The following MOK variants were observed in gnomAD, a reference collection of about 807,000 sequenced individuals.
MOK encodes the protein MAPK/MAK/MRK overlapping kinase.
Under a neutral mutation model 54.2 loss-of-function variants are expected in MOK, and 59 were observed. The ratio of observed to expected loss-of-function variants is 1.09; its 90% CI spans 0.88 to 1.35. The LOEUF (loss-of-function observed/expected upper bound fraction) is 1.35, where lower values mean the gene tolerates loss of function less well. Among genes scored for constraint, MOK ranks in the 40% most tolerant of loss-of-function variants. The pLI is 0.00. For missense variants in MOK, 517 were observed against 526.2 expected (o/e 0.98, Z 0.17); for synonymous variants, 210 against 202.7 (o/e 1.04, Z -0.31).
chr14:102,273,996 C>T (rs1036809364), intron 2 of MOK, among the ~76,000 whole-genome samples: 5 of 151,690 alleles, frequency 3.3e-5, no homozygotes, highest in African/African-American at 7.3e-5. Flanking sequence ...CTCACTCTGT[C>T]GCCCAGGCTG....
chr14:102,226,516 G>A (rs1183868287), downstream of MOK: 24 of 692,820 alleles, frequency 3.5e-5, no homozygotes, highest in Admixed American at 6.1e-5. The surrounding 1 kb of genome is among the most constrained non-coding windows in gnomAD (Gnocchi z 4.8). Context: ...AGGCCCCGCC[G>A]GGGCCCCGGC....
rs572055280 is a variant in MOK, at chr14:102,236,249, T to A, written c.591-2460A>T. ...ACCGGGCCCAGGGCCCCCGGCCCCATCTGCCATCACTGCATTGGAGCCCAG... is the reference window on the plus strand; with the variant it reads ...ACCGGGCCCAGGGCCCCCGGCCCCAACTGCCATCACTGCATTGGAGCCCAG... On this transcript the variant is annotated intron_variant, in intron 7 of 11. Transcript: ENST00000361847. The surrounding 1 kb of genome is among the most constrained non-coding windows in gnomAD (Gnocchi z 4.5). Among the ~76,000 whole-genome samples the A allele has an allele frequency of 6.6e-6, 1 of 152,356 alleles. No homozygotes were observed. Among genetic ancestry groups the A allele is most frequent in the East Asian group, 1.9e-4 (1 of 5,176 alleles).
chr14:102,224,735 C>T (rs2064171480), downstream of MOK: 4 of 456,050 alleles, frequency 8.8e-6, no homozygotes, highest in Non-Finnish European at 1.8e-5. Context: ...CAGCCTGCCC[C>T]ACTCGAAGGC....
chr14:102,297,726 C>T (rs930092063), intron 1 of MOK, among the ~76,000 whole-genome samples: 1 of 152,092 alleles, frequency 6.6e-6, no homozygotes, highest in Non-Finnish European at 1.5e-5. Context: ...GTGGTGCTTG[C>T]GGGCCAGCAT....
At chr14:102,224,506 G>A (rs1310382316), downstream of MOK, 10 of 446,164 alleles carry the variant, frequency 2.2e-5, no homozygotes, top group African/African-American at 8.1e-5. Context: ...TGGATCCTTC[G>A]AAAGCTTTAT....
In MOK at chr14:102,263,574, C is replaced by T; in HGVS notation, c.255G>A (p.Met85Ile). Residue 85 changes from methionine to isoleucine, a missense_variant, in exon 4 of 12, where the codon ATG (methionine) becomes ATA (isoleucine). Met to Ile is a conservative substitution (Grantham distance 10). Transcript: ENST00000361847. ...GTATTAGCTCATAAATATTCATGTC[C>T]ATAAGTTCACATATTAGTGCAAGAG... ...SGSLALICEL[M>I]DMNIYELIRG... 6.2e-7 allele frequency: 1 copy of T among 1,605,520 alleles called. No homozygotes were observed.
intron 1 of MOK, among the ~76,000 whole-genome samples, chr14:102,304,684 G>A (rs2072582453): frequency 6.6e-6 from 1 of 152,202 alleles, no homozygotes; most frequent in Non-Finnish European, 1.5e-5. Flanking sequence ...CCACGCACCT[G>A]CACCAAAATA....
intron 4 of MOK, among the ~76,000 whole-genome samples, chr14:102,253,991 CTT>C (rs113168880): frequency 1.4e-5 from 2 of 145,780 alleles, no homozygotes; most frequent in Non-Finnish European, 3.0e-5. Flanking sequence ...TTAGCTTTTT[CTT>C]TTTTTTTTTG....
chr14:102,292,030 G>A (rs947240111), intron 1 of MOK, among the ~76,000 whole-genome samples: 17 of 151,706 alleles, frequency 1.1e-4, no homozygotes, highest in African/African-American at 4.1e-4. Context: ...ACTGTGCCAT[G>A]CACTGTAGAC....
At chr14:102,223,932 C>T (rs548033411), downstream of MOK, among the ~76,000 whole-genome samples, 8 of 152,234 alleles carry the variant, frequency 5.3e-5, no homozygotes, top group East Asian at 5.8e-4. Flanking sequence ...CATACAACTC[C>T]GAGTCCTCCT....
chr14:102,232,278 T>G lies in MOK; in HGVS notation c.866+257A>C. The G allele has an allele frequency of 2.3e-6, 1 of 442,240 alleles. No individual in the cohort carries two copies. The highest frequency in any genetic ancestry group is 2.0e-5 in the African/African-American group (1 of 50,566). 27.4% of individuals were successfully genotyped at this position (442,240 alleles called of 1,614,324 possible). ...TCTAGAAGGATTACTACCTGTAGCC[T>G]TGGCATCAACCGCAAAGTGGACAGC... is the stretch of plus-strand genomic sequence containing the variant. On this transcript the variant is annotated intron_variant, in intron 9 of 11. Transcript: ENST00000361847. This position sits in a 1 kb window ranked among gnomAD's most constrained non-coding sequence, Gnocchi z 5.1.
In MOK at chr14:102,236,971, T is replaced by C. The variant is rs1463629607; in HGVS notation, c.591-3182A>G. Among the ~76,000 whole-genome samples, 1 of 152,174 alleles carries C rather than the reference T, an allele frequency of 6.6e-6. No individual in the cohort carries two copies. The highest frequency in any genetic ancestry group is 1.5e-5 in the Non-Finnish European group (1 of 68,022). ...TTCATCCCATAGTCCCTAACCCCTC[T>C]ACACTTCTCTGTCTCATTCCCTCCA... On this transcript the variant is annotated intron_variant, in intron 7 of 11. Transcript: ENST00000361847. This position sits in a 1 kb window ranked among gnomAD's most constrained non-coding sequence, Gnocchi z 4.5.
Position 102,229,514 on chromosome 14 carries a change from T to C in MOK, c.1125A>G (p.Gly375=), listed in dbSNP as rs1187623894. ...SPTLQSVLGS[G]TNGRVPVLRP... ...TCAGCACCGGCACTCTTCCATTTGTTCCAGATCCAAGCACGGACTGCAGCG... is the reference window on the plus strand; with the variant it reads ...TCAGCACCGGCACTCTTCCATTTGTCCCAGATCCAAGCACGGACTGCAGCG... Residue 375 remains glycine (G), a synonymous_variant, in exon 11 of 12, where the codon GGA becomes GGG. Transcript: ENST00000361847. 4 of 1,614,110 alleles carry C rather than the reference T, an allele frequency of 2.5e-6. No individual in the cohort carries two copies. The highest frequency in any genetic ancestry group is 3.4e-6 in the Non-Finnish European group (4 of 1,180,024).
intron 6 of MOK, 66 bp from the exon 7 acceptor site, chr14:102,251,056 C>G: frequency 1.3e-6 from 2 of 1,521,408 alleles, no homozygotes; most frequent in Non-Finnish European, 1.8e-6. Context: ...ACAAACCACT[C>G]CAAATATTTA....
intron 2 of MOK, among the ~76,000 whole-genome samples, chr14:102,266,438 G>C (rs1285046147): frequency 6.6e-6 from 1 of 151,648 alleles, no homozygotes; most frequent in Non-Finnish European, 1.5e-5. Flanking sequence ...CTGAGTAGCT[G>C]GGACCACAGG....
chr14:102,285,082 C>CAAAAAAAAAA (rs34015643), intron 1 of MOK, among the ~76,000 whole-genome samples: 1 of 65,978 alleles, frequency 1.5e-5, no homozygotes, highest in African/African-American at 4.6e-5. Flanking sequence ...GATGTCATCT[C>CAAAAAAAAAA]AAAAAAAAAA....
Position 102,261,385 on chromosome 14 carries a change from C to CAAAA in MOK, c.283+2157_283+2160dup, listed in dbSNP as rs1178540689. Among the ~76,000 whole-genome samples, 5 of 6,488 alleles carry CAAAA rather than the reference C, an allele frequency of 7.7e-4. 1 individual carries two copies. Among genetic ancestry groups the CAAAA allele is most frequent in the Non-Finnish European group, 5.9e-4 (2 of 3,364 alleles). 4.3% of individuals were successfully genotyped at this position (6,488 alleles called of 152,430 possible). ...AGTGAGCTGAGATCGCGCCACGTCT[C>CAAAA]AAAAAAAAAAAAAAAAAAAAAAAAA... On this transcript the variant is annotated intron_variant, in intron 4 of 11. Coordinates refer to ENST00000361847, the MANE Select transcript of MOK (RefSeq NM_014226.3).
intron 1 of MOK, among the ~76,000 whole-genome samples, chr14:102,297,733 G>GC (rs1172763156): frequency 6.6e-6 from 1 of 152,184 alleles, no homozygotes; most frequent in African/African-American, 2.4e-5. Context: ...TTGCGGGCCA[G>GC]CATGAGTTCT....
downstream of MOK, chr14:102,226,538 G>C: frequency 1.5e-6 from 1 of 683,116 alleles, no homozygotes; most frequent in Non-Finnish European, 2.7e-6. The surrounding 1 kb of genome is among the most constrained non-coding windows in gnomAD (Gnocchi z 4.8). Flanking sequence ...GCAGGGCAAG[G>C]TGGCCTCCTA....
Sources: allele counts gnomAD v4.1 joint callset (sites outside exome capture counted in the v4.1 genomes callset), GRCh38; gene constraint gnomAD v4.1.1; non-coding constraint Gnocchi (gnomAD v3.1); transcripts MANE v1.5; gene names NCBI Gene and HGNC (gene_info 2026-07-23, HGNC 2026-07-21).